The following TENT5C variants were observed in gnomAD, a reference collection of about 807,000 sequenced individuals.
TENT5C encodes the protein family with sequence similarity 46 member C.
A neutral mutation model predicts 22.2 loss-of-function variants in TENT5C; 5 were observed. The observed-to-expected ratio is 0.22, with a 90% CI of 0.12 to 0.47. The LOEUF (loss-of-function observed/expected upper bound fraction) is 0.47, where lower values mean the gene tolerates loss of function less well. TENT5C is among the 20% of genes least tolerant of loss of function. TENT5C has a pLI of 0.99. For missense variants in TENT5C, 364 were observed against 500.9 expected, an observed-to-expected ratio of 0.73 and a Z score of 2.61; for synonymous variants, 199 against 195.4, an observed-to-expected ratio of 1.02 and a Z score of -0.15.
At chr1:117,618,066 T>G (rs1438696369) in intron 1 of TENT5C, among the ~76,000 whole-genome samples, 1 of 152,206 alleles carries the variant, frequency 6.6e-6, no homozygotes, top group Non-Finnish European at 1.5e-5. Context: ...ATTGAGAAAG[T>G]GAAAAACTAC....
intron 1 of TENT5C, among the ~76,000 whole-genome samples, chr1:117,609,438 AG>A (rs1440019167): frequency 6.6e-6 from 1 of 152,046 alleles, no homozygotes; most frequent in Non-Finnish European, 1.5e-5. Flanking sequence ...CTCTCCCTGT[AG>A]GATGTTTTTT....
rs544527087 is a variant in TENT5C at position 117,615,229 on chromosome 1, C to A, written c.-27-7613C>A. On this transcript the variant is annotated intron_variant, in intron 1 of 1. Transcript: ENST00000369448. Reference sequence around the variant, plus strand: ...CCTTCCTTCCTTTTCTTTCTACTTACTGTCATCTCCTTCCTCTGACCATCT... The same window carrying A: ...CCTTCCTTCCTTTTCTTTCTACTTAATGTCATCTCCTTCCTCTGACCATCT... Among the ~76,000 whole-genome samples the A allele has an allele frequency of 4.1e-3, 623 of 152,336 alleles. 5 individuals are homozygous for A. Among genetic ancestry groups the A allele is most frequent in the African/African-American group, 0.013 (539 of 41,568 alleles).
chr1:117,608,686 C>T (rs1570854676), intron 1 of TENT5C, among the ~76,000 whole-genome samples: 2 of 151,312 alleles, frequency 1.3e-5, no homozygotes, highest in South Asian at 2.1e-4. Context: ...CATCTTTTGT[C>T]TCTGATCAAT....
At chr1:117,607,391 G>A (rs551795055) in intron 1 of TENT5C, among the ~76,000 whole-genome samples, 2 of 152,306 alleles carry the variant, frequency 1.3e-5, no homozygotes, top group South Asian at 4.1e-4. Flanking sequence ...GAGATATAAA[G>A]TGCATACAAA....
chr1:117,614,939 G>GA (rs1653750112), intron 1 of TENT5C, among the ~76,000 whole-genome samples: 1 of 152,096 alleles, frequency 6.6e-6, no homozygotes, highest in Non-Finnish European at 1.5e-5. Flanking sequence ...AGCTCCCTGG[G>GA]AAGTTAGGAT....
intron 1 of TENT5C, among the ~76,000 whole-genome samples, chr1:117,617,960 T>C (rs1251579864): frequency 6.6e-6 from 1 of 152,216 alleles, no homozygotes; most frequent in Non-Finnish European, 1.5e-5. Flanking sequence ...AAGTGACTTA[T>C]TTTATGCTCT....
chr1:117,623,343 A>T lies in TENT5C; in HGVS notation c.475A>T (p.Asn159Tyr), dbSNP rs201507664. 6.2e-7 allele frequency: 1 copy of T among 1,614,174 alleles called. No homozygotes were observed. The change falls in exon 2 of 2, where the codon AAC becomes TAC. Residue 159 changes from asparagine to tyrosine, a missense_variant. By Grantham distance (143) the Asn-to-Tyr change is moderately radical. This residue lies in a region of TENT5C where 303 missense variants were observed against 394.5 expected (regional missense o/e 0.77). Coordinates refer to ENST00000369448, the MANE Select transcript of TENT5C (RefSeq NM_017709.4). ...CCGCTGGAGCCTGATCTCCCTCTCC[A>T]ACAAGAACGGGAAGAACGTGGAGCT... is the stretch of plus-strand genomic sequence containing the variant. ...TDRWSLISLS[N>Y]KNGKNVELKF...
At chr1:117,622,106 T>C (rs1653905746) in intron 1 of TENT5C, among the ~76,000 whole-genome samples, 1 of 152,236 alleles carries the variant, frequency 6.6e-6, no homozygotes, top group Admixed American at 6.5e-5. Context: ...TAACTTTTTG[T>C]TGACTCGAAA....
rs1363201496 is a variant in TENT5C at position 117,627,261 on chromosome 1, T to C, written c.*3217T>C. 4.0e-6 allele frequency: 1 copy of C among 248,066 alleles called. No homozygotes were observed. The highest frequency in any genetic ancestry group is 6.0e-5 in the East Asian group (1 of 16,600). 15.4% of individuals were successfully genotyped at this position (248,066 alleles called of 1,614,324 possible). A position where few individuals can be genotyped will look rare whatever the true frequency, so the allele number is the denominator to read the frequency against. The stretch of plus-strand genomic sequence containing the variant: ...CTGTGTATGAACTTGTGTTTTGTGG[T>C]GACACATTAATAATCAAATTGCTAA... On this transcript the variant is annotated 3_prime_UTR_variant, in exon 2 of 2. Transcript: ENST00000369448.
intron 1 of TENT5C, among the ~76,000 whole-genome samples, chr1:117,610,108 C>G (rs1653632792): frequency 6.6e-6 from 1 of 152,082 alleles, no homozygotes; most frequent in South Asian, 2.1e-4. Flanking sequence ...TCTGCTGATT[C>G]TTTCTCTTTT....
At position 117,626,404 on chromosome 1, in the gene TENT5C, T is replaced by G. The variant is rs1343510384; in HGVS notation, c.*2360T>G. ...CCATTGCACCATGGTTGTCTCGGAG[T>G]CCCTTCACCTGACCTTTTTAGTCAG... is the stretch of plus-strand genomic sequence containing the variant. On this transcript the variant is annotated 3_prime_UTR_variant, in exon 2 of 2. Coordinates refer to ENST00000369448, the MANE Select transcript of TENT5C (RefSeq NM_017709.4). The G allele has an allele frequency of 8.1e-6, 2 of 247,680 alleles. No individual in the cohort carries two copies. The highest frequency in any genetic ancestry group is 4.4e-5 in the African/African-American group (2 of 45,232). 15.3% of individuals were successfully genotyped at this position (247,680 alleles called of 1,614,324 possible).
intron 1 of TENT5C, among the ~76,000 whole-genome samples, chr1:117,612,651 G>A (rs1020675032): frequency 2.6e-5 from 4 of 152,148 alleles, no homozygotes; most frequent in Non-Finnish European, 4.4e-5. Context: ...CCTAAGGGAA[G>A]GATCCATGCA....
intron 1 of TENT5C, among the ~76,000 whole-genome samples, chr1:117,608,440 G>C (rs903857972): frequency 6.6e-6 from 1 of 152,030 alleles, no homozygotes. Context: ...ACATTCCCCC[G>C]TGTTCAAGGC....
intron 1 of TENT5C, among the ~76,000 whole-genome samples, chr1:117,608,657 G>C (rs1173857498): frequency 2.6e-5 from 4 of 152,004 alleles, no homozygotes; most frequent in Non-Finnish European, 4.4e-5. Context: ...TACTGCTCAA[G>C]TACATAGGAC....
In TENT5C at chr1:117,624,164, CTTTT is replaced by C. The variant is rs4026613; in HGVS notation, c.*133_*136del. 8.3e-5 allele frequency: 52 copies of C among 628,816 alleles called. No homozygotes were observed. Among genetic ancestry groups the C allele is most frequent in the Admixed American group, 9.7e-5 (3 of 31,038 alleles). The allele number at this position is 628,816 out of a possible 1,614,324, so 39.0% of individuals were successfully genotyped here. A position where few individuals can be genotyped will look rare whatever the true frequency, so the allele number is the denominator to read the frequency against. ...AAAGGGGAACTCAGCTCTGATTCTG[CTTTT>C]TTTTTTTTTTTTCCTTTGTGTACCC... On this transcript the variant is annotated 3_prime_UTR_variant, in exon 2 of 2. Coordinates refer to ENST00000369448, the MANE Select transcript of TENT5C (RefSeq NM_017709.4).
intron 1 of TENT5C, among the ~76,000 whole-genome samples, chr1:117,617,689 C>G (rs1021502767): frequency 1.3e-5 from 2 of 152,066 alleles, no homozygotes; most frequent in African/African-American, 4.8e-5. Flanking sequence ...TGCCTTTAAC[C>G]AGGGCCTTTC....
At chr1:117,610,496 C>T (rs906426614) in intron 1 of TENT5C, among the ~76,000 whole-genome samples, 8 of 152,170 alleles carry the variant, frequency 5.3e-5, no homozygotes, top group African/African-American at 1.7e-4. Context: ...TCTGGGGACC[C>T]GCTCTTTTCA....
intron 1 of TENT5C, among the ~76,000 whole-genome samples, chr1:117,607,762 AGCCAC>A (rs1653573090): frequency 6.6e-6 from 1 of 152,186 alleles, no homozygotes; most frequent in Non-Finnish European, 1.5e-5. Flanking sequence ...GTGTGAGACC[AGCCAC>A]GTTAGGCCCT....
Position 117,623,423 on chromosome 1 carries a change from A to G in TENT5C, c.555A>G (p.Gln185=). The stretch of plus-strand genomic sequence containing the variant: ...TTGAGTTCAGTGTGGACTCTTTCCA[A>G]ATCATCCTGGATTCTTTGCTTTTCT... The part of the protein sequence containing the change: ...RQFEFSVDSF[Q]IILDSLLFFY... The change falls in exon 2 of 2, where the codon CAA becomes CAG. Residue 185 remains glutamine (Q), a synonymous_variant. Coordinates refer to ENST00000369448, the MANE Select transcript of TENT5C (RefSeq NM_017709.4). 6.2e-7 allele frequency: 1 copy of G among 1,614,084 alleles called. No individual in the cohort carries two copies. The highest frequency in any genetic ancestry group is 1.6e-4 in the Middle Eastern group (1 of 6,062).
Sources: allele counts gnomAD v4.1 joint callset (sites outside exome capture counted in the v4.1 genomes callset), GRCh38; gene constraint gnomAD v4.1.1; regional missense constraint gnomAD v4.1.1; transcripts MANE v1.5; gene names NCBI Gene and HGNC (gene_info 2026-07-23, HGNC 2026-07-21).